Variants in SLC8A1 observed in about 807,000 individuals in gnomAD.
The protein encoded by SLC8A1 is sodium/calcium exchanger 1.
A neutral mutation model predicts 68.3 loss-of-function variants in SLC8A1; 18 were observed. The observed-to-expected ratio is 0.26, with a 90% CI of 0.18 to 0.39. SLC8A1 has a LOEUF of 0.39. Ranked by LOEUF, SLC8A1 falls within the 10% of genes least tolerant of loss-of-function variation. The pLI is 1.00. For synonymous variants in SLC8A1, 475 were observed against 415.5 expected, an observed-to-expected ratio of 1.14 and a Z score of -1.74; for missense variants, 985 against 1,156.7, an observed-to-expected ratio of 0.85 and a Z score of 2.15.
chr2:40,181,302 G>A (rs1208388062), intron 2 of SLC8A1, among the ~76,000 whole-genome samples: 2 of 152,132 alleles, frequency 1.3e-5, no homozygotes, highest in Non-Finnish European at 2.9e-5. Flanking sequence ...GGGAAACACA[G>A]TTATATAGCT....
At chr2:40,454,775 T>G (rs932192014), upstream of SLC8A1, among the ~76,000 whole-genome samples, 1 of 152,276 alleles carries the variant, frequency 6.6e-6, no homozygotes, top group Non-Finnish European at 1.5e-5. Flanking sequence ...AAATCAAACC[T>G]TTTGCTCCCT....
At chr2:40,357,637 C>CTGTG (rs1673128897) in intron 2 of SLC8A1, among the ~76,000 whole-genome samples, 1 of 151,884 alleles carries the variant, frequency 6.6e-6, no homozygotes. Flanking sequence ...TGTAACAAAC[C>CTGTG]TATGTAACAA....
chr2:40,451,316 G>C (rs1387727859), intron 1 of SLC8A1, among the ~76,000 whole-genome samples: 1 of 152,056 alleles, frequency 6.6e-6, no homozygotes, highest in East Asian at 1.9e-4. Context: ...CCCACTCCCT[G>C]CTACCCCCTA....
At chr2:40,256,675 G>A (rs1360258385) in intron 2 of SLC8A1, among the ~76,000 whole-genome samples, 1 of 151,792 alleles carries the variant, frequency 6.6e-6, no homozygotes, top group Admixed American at 6.6e-5. Flanking sequence ...TGCTAAGCCA[G>A]GCAATGGAGG....
intron 2 of SLC8A1, among the ~76,000 whole-genome samples, chr2:40,417,101 G>A (rs1176891715): frequency 6.6e-6 from 1 of 152,108 alleles, no homozygotes; most frequent in Non-Finnish European, 1.5e-5. Flanking sequence ...ATTATGCAGA[G>A]TTCTCCTATC....
At chr2:40,202,740 T>G (rs534228909) in intron 2 of SLC8A1, among the ~76,000 whole-genome samples, 18 of 152,100 alleles carry the variant, frequency 1.2e-4, no homozygotes, top group African/African-American at 4.1e-4. Context: ...TACTTCCTGG[T>G]GTCAATGAAA....
chr2:40,319,428 A>G (rs557878389), intron 2 of SLC8A1, among the ~76,000 whole-genome samples: 1 of 152,196 alleles, frequency 6.6e-6, no homozygotes, highest in South Asian at 2.1e-4. Flanking sequence ...GGATTTTTGC[A>G]GTTCCTAGTC....
intron 2 of SLC8A1, among the ~76,000 whole-genome samples, chr2:40,200,938 T>C (rs1411643877): frequency 6.6e-6 from 1 of 151,810 alleles, no homozygotes; most frequent in Non-Finnish European, 1.5e-5. Flanking sequence ...ATATTTAATA[T>C]TACAAAGAAT....
rs149237659 is a variant in SLC8A1, at chr2:40,417,022, G to C, written c.1808+11451C>G. On this transcript the variant is annotated intron_variant, in intron 2 of 7. Coordinates refer to ENST00000406785, the Ensembl canonical transcript of SLC8A1. ...ACCAACCTCTCTCTCAGGAGGCAAA[G>C]TACAGAGGTCTCTGCAAAGGAGCAT... Among the ~76,000 whole-genome samples the C allele has an allele frequency of 3.3e-5, 5 of 152,224 alleles. No individual in the cohort carries two copies. In the East Asian group the frequency reaches 9.7e-4, roughly 30 times the overall value.
At chr2:40,492,883 T>G (rs1280658380) in intron 1 of SLC8A1, among the ~76,000 whole-genome samples, 3 of 151,172 alleles carry the variant, frequency 2.0e-5, no homozygotes, top group African/African-American at 4.9e-5. Flanking sequence ...AGGAACACTT[T>G]TACACTCTTG....
chr2:40,209,029 G>C (rs2056050839), intron 2 of SLC8A1: 1 of 151,772 alleles, frequency 6.6e-6, no homozygotes, highest in African/African-American at 2.4e-5. Context: ...ACTAGCTACA[G>C]ATCAGTGAAA....
At chr2:40,246,383 G>A (rs1001963478) in intron 2 of SLC8A1, among the ~76,000 whole-genome samples, 1 of 152,198 alleles carries the variant, frequency 6.6e-6, no homozygotes, top group African/African-American at 2.4e-5. Context: ...GAGTCAAATA[G>A]GGCAACTAAA....
chr2:40,115,164 A>G (rs1021699930), exon 8 of SLC8A1: 4 of 987,246 alleles, frequency 4.1e-6, no homozygotes, highest in African/African-American at 1.7e-5. Context: ...GTAAGTGAAC[A>G]TGACAAATGT....
chr2:40,409,843 C>G (rs926999243), intron 2 of SLC8A1, among the ~76,000 whole-genome samples: 1 of 152,122 alleles, frequency 6.6e-6, no homozygotes, highest in Non-Finnish European at 1.5e-5. Context: ...TCCTGCTTTG[C>G]CTTCAATTTC....
chr2:40,142,550 C>G (rs1465456631), intron 6 of SLC8A1, among the ~76,000 whole-genome samples: 1 of 152,118 alleles, frequency 6.6e-6, no homozygotes, highest in East Asian at 1.9e-4. Context: ...GCTGCCTTTT[C>G]TCTACAAAAT....
chr2:40,301,385 C>T (rs1016433467), intron 2 of SLC8A1, among the ~76,000 whole-genome samples: 1 of 152,198 alleles, frequency 6.6e-6, no homozygotes, highest in Admixed American at 6.6e-5. Context: ...CTTATCCCAA[C>T]TGAATCTGAA....
chr2:40,307,640 G>T (rs1052656291), intron 2 of SLC8A1, among the ~76,000 whole-genome samples: 1 of 152,094 alleles, frequency 6.6e-6, no homozygotes, highest in African/African-American at 2.4e-5. Context: ...TGGCTAAAGG[G>T]GTACAGTCTC....
intron 2 of SLC8A1, among the ~76,000 whole-genome samples, chr2:40,269,107 G>C (rs1051714807): frequency 6.6e-6 from 1 of 152,172 alleles, no homozygotes; most frequent in Non-Finnish European, 1.5e-5. Flanking sequence ...AAAAAGTAGT[G>C]AGTGTTCATA....
chr2:40,459,338 C>G (rs1180857563), intron 1 of SLC8A1, among the ~76,000 whole-genome samples: 1 of 151,718 alleles, frequency 6.6e-6, no homozygotes, highest in Non-Finnish European at 1.5e-5. Context: ...TTTGAGAGTC[C>G]CAAACAGATA....
Sources: gnomAD v4.1 joint callset for allele counts (sites outside exome capture counted in the v4.1 genomes callset) on GRCh38, gnomAD v4.1.1 for gene constraint, MANE v1.5 for transcripts, NCBI Gene and HGNC (gene_info 2026-07-23, HGNC 2026-07-21) for gene names.